Variants in NDUFAF6 observed in about 807,000 individuals in gnomAD.
The protein encoded by NDUFAF6 is NADH dehydrogenase (ubiquinone) complex I, assembly factor 6.
NDUFAF6 carries 45 observed loss-of-function variants against 40.8 expected under a neutral mutation model. The observed-to-expected ratio is 1.10, with a 90% CI of 0.87 to 1.42. The LOEUF is 1.42. NDUFAF6 is among the 40% of genes most tolerant of loss of function. The pLI, the probability that NDUFAF6 is intolerant of heterozygous loss-of-function variation, is 0.00. For missense variants in NDUFAF6, 435 were observed against 418.5 expected (o/e 1.04, Z -0.34); for synonymous variants, 185 against 155.9 (o/e 1.19, Z -1.39).
intron 5 of NDUFAF6, among the ~76,000 whole-genome samples, chr8:95,115,893 T>G (rs1360812246): frequency 6.6e-6 from 1 of 152,118 alleles, no homozygotes; most frequent in Non-Finnish European, 1.5e-5. Context: ...ATCTCAGCAC[T>G]TTGGAAGGCT....
intron 1 of NDUFAF6, among the ~76,000 whole-genome samples, chr8:94,934,490 A>G (rs928815583): frequency 1.2e-4 from 18 of 151,810 alleles, no homozygotes; most frequent in African/African-American, 4.4e-4. Context: ...GGTTCAAGCA[A>G]TTCTCCTGCC....
chr8:95,114,051 A>G (rs994072148), intron 4 of NDUFAF6, among the ~76,000 whole-genome samples: 1 of 151,624 alleles, frequency 6.6e-6, no homozygotes, highest in Non-Finnish European at 1.5e-5. Flanking sequence ...GATATACCTA[A>G]TGCTAGATGA....
intron 1 of NDUFAF6, among the ~76,000 whole-genome samples, chr8:94,925,448 T>C (rs551868860): frequency 6.6e-6 from 1 of 152,346 alleles, no homozygotes; most frequent in Admixed American, 6.5e-5. Flanking sequence ...TATTACATTC[T>C]ATATTTTTAA....
At chr8:94,969,681 A>T (rs1336865284) in intron 1 of NDUFAF6, among the ~76,000 whole-genome samples, 1 of 152,198 alleles carries the variant, frequency 6.6e-6, no homozygotes, top group African/African-American at 2.4e-5. Context: ...AGCACAAGGG[A>T]AAACACTAAG....
At chr8:94,991,807 C>CCG (rs1554651038) in intron 2 of NDUFAF6, among the ~76,000 whole-genome samples, 8 of 69,766 alleles carry the variant, frequency 1.1e-4, no homozygotes, top group Admixed American at 4.4e-4. Flanking sequence ...CCCCCCCCCC[C>CCG]TTTTTTTTTT....
At chr8:94,955,442 C>T (rs1199633298), upstream of NDUFAF6, among the ~76,000 whole-genome samples, 1 of 152,196 alleles carries the variant, frequency 6.6e-6, no homozygotes, top group African/African-American at 2.4e-5. Context: ...TGAGGCAGAG[C>T]CCTCATGACC....
intron 2 of NDUFAF6, among the ~76,000 whole-genome samples, chr8:95,033,338 C>A (rs1394133273): frequency 6.6e-6 from 1 of 152,132 alleles, no homozygotes; most frequent in African/African-American, 2.4e-5. Context: ...GCCACTGCAC[C>A]CAGTCAATAC....
intron 2 of NDUFAF6, among the ~76,000 whole-genome samples, chr8:95,033,368 C>T (rs777432559): frequency 1.3e-5 from 2 of 152,078 alleles, no homozygotes; most frequent in Admixed American, 6.6e-5. Context: ...TTTAATAAAC[C>T]CCCAGAGTTC....
chr8:94,965,448 G>T (rs189539820), intron 1 of NDUFAF6, among the ~76,000 whole-genome samples: 81 of 152,348 alleles, frequency 5.3e-4, no homozygotes, highest in Admixed American at 5.2e-3. Context: ...GGCCACACAA[G>T]TCAGGAAAGG....
chr8:94,959,530 G>GTTTTTTTTTTTT (rs3039193), intron 1 of NDUFAF6, among the ~76,000 whole-genome samples: 1 of 146,412 alleles, frequency 6.8e-6, no homozygotes, highest in African/African-American at 2.5e-5. Flanking sequence ...GTTGCTTTTT[G>GTTTTTTTTTTTT]TTTTTTTTGT....
chr8:95,074,456 C>T (rs934007025), intron 9 of NDUFAF6, among the ~76,000 whole-genome samples: 1 of 133,028 alleles, frequency 7.5e-6, no homozygotes, highest in Non-Finnish European at 1.6e-5. Context: ...CTCTGCACTT[C>T]CCTTCCTGAA....
chr8:94,985,839 A>G (rs1825860159), intron 2 of NDUFAF6, among the ~76,000 whole-genome samples: 1 of 148,106 alleles, frequency 6.8e-6, no homozygotes, highest in Non-Finnish European at 1.5e-5. Context: ...CTGCAACAAT[A>G]CATTTTTATA....
intron 1 of NDUFAF6, among the ~76,000 whole-genome samples, chr8:94,935,966 C>T (rs936089750): frequency 3.9e-5 from 6 of 152,186 alleles, no homozygotes; most frequent in African/African-American, 1.4e-4. Flanking sequence ...CAGCACTGCC[C>T]AGGCCCAATG....
At chr8:95,116,064 G>A (rs990775949) in intron 5 of NDUFAF6, among the ~76,000 whole-genome samples, 1 of 152,008 alleles carries the variant, frequency 6.6e-6, no homozygotes, top group Non-Finnish European at 1.5e-5. Flanking sequence ...CTTGAACCGG[G>A]GAGGCGGAGG....
intron 1 of NDUFAF6, among the ~76,000 whole-genome samples, chr8:94,960,222 C>G (rs1156553331): frequency 6.6e-6 from 1 of 152,182 alleles, no homozygotes; most frequent in African/African-American, 2.4e-5. Context: ...CCATTGAAGA[C>G]GCGCAACTCA....
intron 1 of NDUFAF6, among the ~76,000 whole-genome samples, chr8:94,963,192 C>CCTCTGCCTTCTGGATT (rs1823742836): frequency 6.6e-6 from 1 of 152,066 alleles, no homozygotes; most frequent in African/African-American, 2.4e-5. Flanking sequence ...CTTATTGATA[C>CCTCTGCCTTCTGGATT]AGAGAAAAAG....
At chr8:95,106,982 C>CTTT (rs1280199046), downstream of NDUFAF6, among the ~76,000 whole-genome samples, 8 of 152,162 alleles carry the variant, frequency 5.3e-5, no homozygotes, top group Non-Finnish European at 1.0e-4. Flanking sequence ...AGTCAGGAAA[C>CTTT]AACAGATACT....
chr8:95,086,036 C>T (rs1002537375), intron 2 of NDUFAF6, among the ~76,000 whole-genome samples: 1 of 152,154 alleles, frequency 6.6e-6, no homozygotes, highest in Non-Finnish European at 1.5e-5. Flanking sequence ...ACAGCTTACC[C>T]AGCAACAGGA....
upstream of NDUFAF6, among the ~76,000 whole-genome samples, chr8:95,097,699 C>T (rs1025548639): frequency 1.3e-5 from 2 of 152,118 alleles, no homozygotes; most frequent in Non-Finnish European, 2.9e-5. Flanking sequence ...AACTCCATCT[C>T]AAAATAAATA....
Sources: gnomAD v4.1 joint callset for allele counts (sites outside exome capture counted in the v4.1 genomes callset) on GRCh38, gnomAD v4.1.1 for gene constraint, MANE v1.5 for transcripts, NCBI Gene and HGNC (gene_info 2026-07-23, HGNC 2026-07-21) for gene names.